Variants in CNIH3 observed in about 807,000 individuals in gnomAD.
CNIH3 encodes cornichon family AMPA receptor auxiliary protein 3, also known as protein cornichon homolog 3.
CNIH3 carries 14 observed loss-of-function variants against 24.1 expected under a neutral mutation model. The ratio of observed to expected loss-of-function variants is 0.58; its 90% CI spans 0.38 to 0.91. The LOEUF (loss-of-function observed/expected upper bound fraction) is 0.91. Ranked by LOEUF, CNIH3 falls within the 40% of genes least tolerant of loss-of-function variation. CNIH3 has a pLI of 0.00. For missense variants in CNIH3, 178 were observed against 196.8 expected (o/e 0.90, Z 0.57); for synonymous variants, 68 against 73.8 (o/e 0.92, Z 0.40).
chr1:224,685,002 T>C (rs1173115067), intron 3 of CNIH3, among the ~76,000 whole-genome samples, 159 bp downstream of exon 3: 2 of 152,158 alleles, frequency 1.3e-5, no homozygotes, highest in Non-Finnish European at 2.9e-5. Flanking sequence ...GATCAGTTCT[T>C]TGGAAACCTC....
chr1:224,458,040 AATT>A lies in CNIH3; in HGVS notation n.203+23181_203+23183del, dbSNP rs1324921706. Among the ~76,000 whole-genome samples, 1 of 152,180 alleles carries A rather than the reference AATT, an allele frequency of 6.6e-6. No homozygotes were observed. The highest frequency in any genetic ancestry group is 1.5e-5 in the Non-Finnish European group (1 of 68,034). ...AACAGAAATAGTGTATTACTGTAAT[AATT>A]ATAGTGAAGTACTGCACTTGGGCAG... is the stretch of plus-strand genomic sequence containing the variant. On this transcript the variant is annotated intron_variant and non_coding_transcript_variant, in intron 1 of 5. Transcript: ENST00000471578. The surrounding 1 kb of genome is among the most constrained non-coding windows in gnomAD (Gnocchi z 4.3).
rs1238073035 is a variant in CNIH3 at position 224,739,345 on chromosome 1, G to A, written c.472G>A (p.Val158Met). 1 of 976,994 alleles carries A rather than the reference G, an allele frequency of 1.0e-6. No homozygotes were observed. The highest frequency in any genetic ancestry group is 1.5e-6 in the Non-Finnish European group (1 of 667,076). 60.5% of individuals were successfully genotyped at this position (976,994 alleles called of 1,614,324 possible). A position where few individuals can be genotyped will look rare whatever the true frequency, so the allele number is the denominator to read the frequency against. Reference sequence around the variant, plus strand: ...TGCATTCAGCATGATCTACACTTTAGTGAGCTCTTAACGCAAAGACCATGC... The same window carrying A: ...TGCATTCAGCATGATCTACACTTTAATGAGCTCTTAACGCAAAGACCATGC... ...YYLYCMIYTLVSS is the reference protein window; with the variant it reads ...YYLYCMIYTLMSS Residue 158 changes from valine to methionine, a missense_variant, in exon 6 of 6, where the codon GTG becomes ATG. Transcript: ENST00000272133.
At chr1:224,614,796 G>T (rs1682867242), upstream of CNIH3, among the ~76,000 whole-genome samples, 1 of 151,090 alleles carries the variant, frequency 6.6e-6, no homozygotes, top group African/African-American at 2.4e-5. Context: ...AAAATACAAA[G>T]ATTAGCTGGG....
chr1:224,459,225 C>G, intron 1 of CNIH3: 1 of 980,884 alleles, frequency 1.0e-6, no homozygotes, highest in South Asian at 4.7e-5. Context: ...ATCATGTGAC[C>G]TTGAGGATGG....
At chr1:224,576,126 G>A (rs1209668299) in intron 4 of CNIH3, among the ~76,000 whole-genome samples, 1 of 152,138 alleles carries the variant, frequency 6.6e-6, no homozygotes, top group African/African-American at 2.4e-5. Flanking sequence ...GCTTAGGAAT[G>A]AATCAATTAT....
intron 3 of CNIH3, among the ~76,000 whole-genome samples, chr1:224,724,417 C>G (rs1688907362): frequency 6.6e-6 from 1 of 152,178 alleles, no homozygotes. Flanking sequence ...CTCCTGAGAG[C>G]AAAGGGGCCC....
chr1:224,563,550 G>A (rs548519461), intron 3 of CNIH3, among the ~76,000 whole-genome samples: 85 of 151,746 alleles, frequency 5.6e-4, no homozygotes, highest in Admixed American at 1.5e-3. Flanking sequence ...TGGAAGAGAA[G>A]AGTGAAAGAG....
Position 224,447,242 on chromosome 1 carries a change from T to C in CNIH3, n.203+12380T>C, listed in dbSNP as rs1572257199. 2.0e-5 allele frequency among the ~76,000 whole-genome samples: 3 copies of C among 152,160 alleles called. No homozygotes were observed. The South Asian group carries it at 6.2e-4, about 32-fold the overall frequency. On this transcript the variant is annotated intron_variant and non_coding_transcript_variant, in intron 1 of 5. Transcript: ENST00000471578. ...AAAGCCCTAGAACTAGGGAAGCTGA[T>C]GGTGTACTTCTCAAACTGAAGTCAA...
At chr1:224,528,396 C>CT (rs1308840757) in intron 2 of CNIH3, among the ~76,000 whole-genome samples, 1 of 152,152 alleles carries the variant, frequency 6.6e-6, no homozygotes, top group Admixed American at 6.5e-5. Context: ...TCATGGCTCA[C>CT]TGTAGCCTTA....
intron 1 of CNIH3, among the ~76,000 whole-genome samples, chr1:224,623,367 C>G (rs1683376364): frequency 1.3e-5 from 2 of 152,196 alleles, no homozygotes; most frequent in Non-Finnish European, 2.9e-5. Flanking sequence ...GTGGATGCCT[C>G]AGTCTCCCAG....
chr1:224,518,620 G>T (rs1410258163), intron 1 of CNIH3, among the ~76,000 whole-genome samples: 3 of 152,092 alleles, frequency 2.0e-5, no homozygotes, highest in Non-Finnish European at 2.9e-5. Flanking sequence ...GTGAGCCATG[G>T]CATTGAGGCT....
intron 1 of CNIH3, among the ~76,000 whole-genome samples, chr1:224,491,944 G>T (rs1032246187): frequency 5.9e-5 from 9 of 152,108 alleles, no homozygotes; most frequent in African/African-American, 2.2e-4. Context: ...GTAGAGACAA[G>T]ATCTTGCTAT....
At chr1:224,541,018 C>T (rs1679492192), downstream of CNIH3, among the ~76,000 whole-genome samples, 2 of 152,062 alleles carry the variant, frequency 1.3e-5, no homozygotes, top group Admixed American at 1.3e-4. Flanking sequence ...CCACTAAAGT[C>T]ATTCATACTC....
In CNIH3 at chr1:224,704,924, A is replaced by G. The variant is rs1031979313; in HGVS notation, c.198+20081A>G. Among the ~76,000 whole-genome samples, 3 of 152,128 alleles carry G rather than the reference A, an allele frequency of 2.0e-5. No individual in the cohort carries two copies. Among genetic ancestry groups the G allele is most frequent in the Non-Finnish European group, 2.9e-5 (2 of 68,022 alleles). ...CAAGAGTTCAAGACCAGCCTGACCA[A>G]TGTGATGAAACCCCGTCTCTAGTAA... On this transcript the variant is annotated intron_variant, in intron 3 of 5. Coordinates refer to ENST00000272133, the MANE Select transcript of CNIH3 (RefSeq NM_152495.2). This position sits in a 1 kb window ranked among gnomAD's most constrained non-coding sequence, Gnocchi z 4.2.
chr1:224,483,969 G>A (rs1479399764), intron 1 of CNIH3, among the ~76,000 whole-genome samples: 3 of 152,044 alleles, frequency 2.0e-5, no homozygotes, highest in Non-Finnish European at 2.9e-5. Context: ...TCAGGAGTTC[G>A]AGACTAGCCT....
chr1:224,721,878 C>A (rs1229885211), intron 3 of CNIH3, among the ~76,000 whole-genome samples: 2 of 152,132 alleles, frequency 1.3e-5, no homozygotes, highest in Non-Finnish European at 2.9e-5. Context: ...ACCTCCGTCC[C>A]AGGAATATGC....
intron 3 of CNIH3, among the ~76,000 whole-genome samples, chr1:224,692,596 G>C (rs1686985528): frequency 6.6e-6 from 1 of 152,178 alleles, no homozygotes; most frequent in South Asian, 2.1e-4. Context: ...TGGAAATAGT[G>C]ATGCTGACTA....
At chr1:224,592,947 TA>T (rs745445842), downstream of CNIH3, among the ~76,000 whole-genome samples, 7 of 152,278 alleles carry the variant, frequency 4.6e-5, no homozygotes, top group Non-Finnish European at 1.0e-4. Context: ...AGTGCCTGTT[TA>T]GTGGTGCTAA....
chr1:224,674,328 T>G (rs1686029223), intron 1 of CNIH3, among the ~76,000 whole-genome samples: 1 of 142,774 alleles, frequency 7.0e-6, no homozygotes, highest in South Asian at 2.3e-4. Flanking sequence ...AGCATGGTTA[T>G]TTTTAGCAAA....
Sources: gnomAD v4.1 joint callset for allele counts (sites outside exome capture counted in the v4.1 genomes callset) on GRCh38, gnomAD v4.1.1 for gene constraint, Gnocchi (gnomAD v3.1) non-coding constraint, MANE v1.5 for transcripts, NCBI Gene and HGNC (gene_info 2026-07-23, HGNC 2026-07-21) for gene names.